The following C3orf20 variants were observed in gnomAD, a reference collection of about 807,000 sequenced individuals.
The protein encoded by C3orf20 is family with sequence similarity 149 member C, also known as uncharacterized protein C3orf20.
Under a neutral mutation model 88.3 loss-of-function variants are expected in C3orf20, and 76 were observed. That is an observed-to-expected ratio of 0.86 (90% confidence interval 0.72 to 1.04). The LOEUF (loss-of-function observed/expected upper bound fraction) is 1.04, where lower values mean the gene tolerates loss of function less well. Among genes scored for constraint, C3orf20 ranks in the 50% least tolerant of loss-of-function variants. C3orf20 has a pLI of 0.00. For synonymous variants in C3orf20, 436 were observed against 437.4 expected (o/e 1.00, Z 0.04); for missense variants, 1,056 against 1,123.3 (o/e 0.94, Z 0.86).
At chr3:14,720,326 G>A (rs951082289) in intron 9 of C3orf20, among the ~76,000 whole-genome samples, 8 of 152,136 alleles carry the variant, frequency 5.3e-5, no homozygotes, top group South Asian at 2.1e-4. Flanking sequence ...CACCGTGCCC[G>A]GCAGAGGGTT....
chr3:14,747,940 G>A (rs1212449580), intron 12 of C3orf20, among the ~76,000 whole-genome samples: 4 of 151,886 alleles, frequency 2.6e-5, no homozygotes, highest in South Asian at 2.1e-4. Flanking sequence ...ATTAATAAGG[G>A]ATATTTGTCT....
At chr3:14,718,834 G>A (rs1042054072) in intron 9 of C3orf20, among the ~76,000 whole-genome samples, 1 of 152,244 alleles carries the variant, frequency 6.6e-6, no homozygotes, top group African/African-American at 2.4e-5. Context: ...GCTCAAGGAT[G>A]GTTCAAGGAT....
At chr3:14,711,646 T>TC (rs1397405691) in intron 7 of C3orf20, among the ~76,000 whole-genome samples, 3 of 144,542 alleles carry the variant, frequency 2.1e-5, no homozygotes, top group Non-Finnish European at 4.5e-5. Flanking sequence ...TTTTTTTTTT[T>TC]TTTTTTTGAG....
chr3:14,686,634 C>G (rs2032445373), intron 4 of C3orf20, among the ~76,000 whole-genome samples: 1 of 152,152 alleles, frequency 6.6e-6, no homozygotes, highest in Non-Finnish European at 1.5e-5. Flanking sequence ...TGTGTCTCTT[C>G]TTTTGAGAAA....
rs574752996 is a variant in C3orf20, at chr3:14,730,375, C to A, written c.1940+1687C>A. On this transcript the variant is annotated intron_variant, in intron 12 of 16. Transcript: ENST00000253697. ...ATCCTGGCTAACATGGTGAAACCCC[C>A]TCTCTACTAAAAATAGAAAAAATTA... Among the ~76,000 whole-genome samples, 23 of 152,094 alleles carry A rather than the reference C, an allele frequency of 1.5e-4. 1 individual carries two copies. In the South Asian group the frequency reaches 4.0e-3, roughly 26 times the overall value.
At position 14,772,310 on chromosome 3, in the gene C3orf20, C is replaced by T. The variant is rs1340624143; in HGVS notation, c.2630+109C>T. ...CCCCAGGCGTGGCCTGGGTCATGTC[C>T]AACCATCGCTGACATCTAGCCCATG... On this transcript the variant is annotated intron_variant, in intron 16 of 16. Transcript: ENST00000253697. The surrounding 1 kb of genome is among the most constrained non-coding windows in gnomAD (Gnocchi z 4.2). 3 of 1,382,916 alleles carry T rather than the reference C, an allele frequency of 2.2e-6. No homozygotes were observed. The highest frequency in any genetic ancestry group is 3.0e-6 in the Non-Finnish European group (3 of 992,382). The allele number at this position is 1,382,916 out of a possible 1,614,324, so 85.7% of individuals were successfully genotyped here.
intron 2 of C3orf20, 53 bp downstream of exon 2, chr3:14,682,384 C>G: frequency 4.0e-6 from 1 of 248,092 alleles, no homozygotes; most frequent in Non-Finnish European, 7.8e-6. Flanking sequence ...CCAGCCCCCC[C>G]AGGGTCCTAT....
chr3:14,749,697 A>AT (rs34518822), intron 12 of C3orf20, among the ~76,000 whole-genome samples: 97,472 of 146,700 alleles, frequency 0.66, 32,284 homozygotes, highest in African/African-American at 0.76. Flanking sequence ...CGTTTAATTG[A>AT]TTTTTTTTTT....
At chr3:14,714,805 C>G (rs1408946445) in intron 8 of C3orf20, among the ~76,000 whole-genome samples, 1 of 152,158 alleles carries the variant, frequency 6.6e-6, no homozygotes, top group Admixed American at 6.5e-5. Context: ...CAGGGTCTCA[C>G]TGTGTTGACC....
At chr3:14,741,704 G>A (rs1019650437) in intron 12 of C3orf20, among the ~76,000 whole-genome samples, 1 of 152,198 alleles carries the variant, frequency 6.6e-6, no homozygotes, top group African/African-American at 2.4e-5. Flanking sequence ...AGGTGTTACA[G>A]CTCTGGCGGT....
intron 9 of C3orf20, among the ~76,000 whole-genome samples, chr3:14,720,069 G>C (rs1052295993): frequency 1.3e-5 from 2 of 151,806 alleles, no homozygotes; most frequent in African/African-American, 4.8e-5. Flanking sequence ...TCACTCTGTC[G>C]CCTAGGCTGG....
intron 15 of C3orf20, among the ~76,000 whole-genome samples, chr3:14,766,689 A>G (rs1461952914): frequency 6.6e-6 from 1 of 152,202 alleles, no homozygotes; most frequent in Non-Finnish European, 1.5e-5. Context: ...AGAGACCAGG[A>G]CTGGACTTGT....
At position 14,728,501 on chromosome 3, in the gene C3orf20, A is replaced by G. The variant is rs1352566103; in HGVS notation, c.1753A>G (p.Arg585Gly). 1 of 1,614,084 alleles carries G rather than the reference A, an allele frequency of 6.2e-7. No homozygotes were observed. Among genetic ancestry groups the G allele is most frequent in the Non-Finnish European group, 8.5e-7 (1 of 1,180,016 alleles). Residue 585 changes from arginine (R) to glycine (G), a missense_variant, in exon 12 of 17, where the codon AGA becomes GGA. Physicochemically the swap from Arg to Gly is moderately radical, Grantham distance 125. Coordinates refer to ENST00000253697, the MANE Select transcript of C3orf20 (RefSeq NM_032137.5). The stretch of plus-strand genomic sequence containing the variant: ...GGAAGAATTTGTTCGGTTCAAGATG[A>G]GATCCAGAACTCATCCCGAGCGGCT... ...EEEEFVRFKM[R>G]SRTHPERLPK...
intron 7 of C3orf20, among the ~76,000 whole-genome samples, chr3:14,712,685 A>G (rs1575116736): frequency 6.6e-6 from 1 of 152,210 alleles, no homozygotes. Context: ...AAGAAAAATT[A>G]TATGCTGAAA....
chr3:14,725,578 A>G (rs2034317247), intron 10 of C3orf20, among the ~76,000 whole-genome samples: 1 of 152,200 alleles, frequency 6.6e-6, no homozygotes, highest in Non-Finnish European at 1.5e-5. Context: ...ATAAATAAAT[A>G]AGATGAGTGC....
chr3:14,683,271 A>G (rs1382040427), intron 3 of C3orf20, 74 bp downstream of exon 3: 1 of 1,497,716 alleles, frequency 6.7e-7, no homozygotes, highest in African/African-American at 1.4e-5. Context: ...CATGCTGGGA[A>G]CAGGTGGCAA....
rs1384340621 is a variant in C3orf20, at chr3:14,701,891, G to A, written c.746-1239G>A. Among the ~76,000 whole-genome samples, 2 of 152,106 alleles carry A rather than the reference G, an allele frequency of 1.3e-5. No individual in the cohort carries two copies. Among genetic ancestry groups the A allele is most frequent in the African/African-American group, 4.8e-5 (2 of 41,428 alleles). ...ATCCATCACAGATGACTCGCAGTATGAGTAACATCTCTGTTTGATAAATGA... is the reference window on the plus strand; with the variant it reads ...ATCCATCACAGATGACTCGCAGTATAAGTAACATCTCTGTTTGATAAATGA... On this transcript the variant is annotated intron_variant, in intron 5 of 16. Coordinates refer to ENST00000253697, the MANE Select transcript of C3orf20 (RefSeq NM_032137.5). The surrounding 1 kb of genome is among the most constrained non-coding windows in gnomAD (Gnocchi z 4.6).
intron 2 of C3orf20, 121 bp downstream of exon 2, chr3:14,682,452 T>C (rs559709545): frequency 8.9e-5 from 43 of 484,242 alleles, no homozygotes; most frequent in African/African-American, 7.7e-4. Context: ...TCATCAGACC[T>C]TTCCCAAAGT....
intron 12 of C3orf20, among the ~76,000 whole-genome samples, chr3:14,740,944 T>C (rs1458598238): frequency 6.6e-6 from 1 of 152,266 alleles, no homozygotes; most frequent in Admixed American, 6.5e-5. Flanking sequence ...TTCTGTCAGA[T>C]AATTCTAATA....
Sources: allele counts gnomAD v4.1 joint callset (sites outside exome capture counted in the v4.1 genomes callset), GRCh38; gene constraint gnomAD v4.1.1; non-coding constraint Gnocchi (gnomAD v3.1); transcripts MANE v1.5; gene names NCBI Gene and HGNC (gene_info 2026-07-23, HGNC 2026-07-21).